Variants in ABCB4 observed in about 807,000 individuals in gnomAD.
ABCB4 encodes the protein ATP binding cassette subfamily B member 4, also known as phosphatidylcholine translocator ABCB4.
A neutral mutation model predicts 145.7 loss-of-function variants in ABCB4; 76 were observed. The ratio of observed to expected loss-of-function variants is 0.52; its 90% CI spans 0.43 to 0.63. ABCB4 has a LOEUF of 0.63. ABCB4 is among the 30% of genes least tolerant of loss of function. The pLI is 0.00. For missense variants in ABCB4, 1,234 were observed against 1,553.1 expected, an observed-to-expected ratio of 0.79 and a Z score of 3.45; for synonymous variants, 517 against 566.8, an observed-to-expected ratio of 0.91 and a Z score of 1.25.
At chr7:87,443,623 A>C (rs1217730393) in intron 11 of ABCB4, 40 bp downstream of exon 11, 1 of 1,576,576 alleles carries the variant, frequency 6.3e-7, no homozygotes, top group Non-Finnish European at 8.7e-7. Context: ...TTCAACAATC[A>C]ACCTCAGTTA....
At chr7:87,443,532 A>C in intron 11 of ABCB4, 88 bp from the exon 12 acceptor site, 3 of 1,532,034 alleles carry the variant, frequency 2.0e-6, no homozygotes, top group Non-Finnish European at 2.7e-6. Context: ...TTGAAAAAAA[A>C]GTATCAAATA....
intron 14 of ABCB4, among the ~76,000 whole-genome samples, chr7:87,433,240 G>A (rs1810367006): frequency 6.6e-6 from 1 of 152,096 alleles, no homozygotes; most frequent in Non-Finnish European, 1.5e-5. Context: ...TTGTTTTTAA[G>A]TAAATATAAA....
chr7:87,472,455 C>T (rs1284450157), intron 3 of ABCB4, among the ~76,000 whole-genome samples, 166 bp downstream of exon 3: 1 of 152,106 alleles, frequency 6.6e-6, no homozygotes, highest in Non-Finnish European at 1.5e-5. Context: ...AACTCTTGTG[C>T]TCAAGCAACC....
At chr7:87,373,319 A>T in the ABCB4 span, among the ~76,000 whole-genome samples, 1 of 152,094 alleles carries the variant, frequency 6.6e-6, no homozygotes, top group African/African-American at 2.4e-5. Flanking sequence ...ATCGTTCTTT[A>T]GATATAAGTC....
At chr7:87,414,210 G>T (rs1808817479) in intron 21 of ABCB4, among the ~76,000 whole-genome samples, 1 of 152,196 alleles carries the variant, frequency 6.6e-6, no homozygotes, top group Non-Finnish European at 1.5e-5. Context: ...TCAACAACAT[G>T]AGCATGCTTT....
chr7:87,395,551 G>T, the ABCB4 span, among the ~76,000 whole-genome samples: 1 of 152,306 alleles, frequency 6.6e-6, no homozygotes, highest in African/African-American at 2.4e-5. Context: ...TTATGATCAG[G>T]ACTGCCTTTG....
chr7:87,446,207 C>T (rs1257119176), intron 9 of ABCB4, among the ~76,000 whole-genome samples: 1 of 152,100 alleles, frequency 6.6e-6, no homozygotes, highest in African/African-American at 2.4e-5. Context: ...ATAATGACCC[C>T]AAGTCATCAT....
At chr7:87,472,732 T>C (rs1171375105) in intron 2 of ABCB4, 57 bp from the exon 3 acceptor site, 7 of 1,223,262 alleles carry the variant, frequency 5.7e-6, no homozygotes, top group Middle Eastern at 2.0e-4. Context: ...TTACAATCAA[T>C]TGAACATAAA....
the ABCB4 span, among the ~76,000 whole-genome samples, chr7:87,383,308 A>G: frequency 1.3e-5 from 2 of 151,944 alleles, no homozygotes; most frequent in African/African-American, 4.8e-5. Context: ...TTTACTGTCT[A>G]CTTCCACGAG....
intron 26 of ABCB4, among the ~76,000 whole-genome samples, chr7:87,404,770 T>A (rs961120394): frequency 2.6e-5 from 4 of 152,162 alleles, no homozygotes; most frequent in African/African-American, 9.7e-5. Flanking sequence ...AAAAACTATG[T>A]TCAACATCAT....
intron 2 of ABCB4, among the ~76,000 whole-genome samples, chr7:87,474,406 G>T (rs988935803): frequency 7.9e-5 from 12 of 152,166 alleles, no homozygotes; most frequent in African/African-American, 2.7e-4. Context: ...ATGGTGCTTA[G>T]AAGAAATACA....
In ABCB4 at chr7:87,401,853, T is replaced by G; in HGVS notation, c.*243A>C. 1 of 653,390 alleles carries G rather than the reference T, an allele frequency of 1.5e-6. No individual in the cohort carries two copies. Among genetic ancestry groups the G allele is most frequent in the Non-Finnish European group, 2.8e-6 (1 of 360,228 alleles). 40.5% of individuals were successfully genotyped at this position (653,390 alleles called of 1,614,324 possible). A position where few individuals can be genotyped will look rare whatever the true frequency, so the allele number is the denominator to read the frequency against. ...CTTACCTTGAATTTTGTTCTTTTTC[T>G]GGATGTTTCTAATAACTTAGGGAGA... On this transcript the variant is annotated 3_prime_UTR_variant, in exon 28 of 28. Coordinates refer to ENST00000649586, the MANE Select transcript of ABCB4 (RefSeq NM_000443.4).
chr7:87,376,080 T>C, the ABCB4 span: 1 of 802,808 alleles, frequency 1.2e-6, no homozygotes, highest in East Asian at 2.8e-5. Context: ...AGTTATACAA[T>C]ATACTTGTGC....
intron 16 of ABCB4, among the ~76,000 whole-genome samples, chr7:87,425,896 A>G (rs1809768996): frequency 6.6e-6 from 1 of 152,112 alleles, no homozygotes; most frequent in Admixed American, 6.5e-5. Context: ...ATTAAAAATA[A>G]ATAAATAAAT....
At chr7:87,451,139 A>ATTT (rs72422284) in intron 7 of ABCB4, among the ~76,000 whole-genome samples, 6,265 of 145,550 alleles carry the variant, frequency 0.043, 173 homozygotes, top group South Asian at 0.11. Flanking sequence ...AGAACTGTGA[A>ATTT]TTTTTTTTTT....
rs1562948881 is a variant in ABCB4, at chr7:87,406,340, A to G, written c.3434T>C (p.Val1145Ala). 1.9e-6 allele frequency: 3 copies of G among 1,614,152 alleles called. No homozygotes were observed. The highest frequency in any genetic ancestry group is 1.7e-4 in the Middle Eastern group (1 of 6,060). ...NSRVVSQDEIVSAAKAANIHP... is the reference protein window; with the variant it reads ...NSRVVSQDEIASAAKAANIHP... ...TATGTTGGCAGCTTTGGCTGCACTC[A>G]CAATTTCATCCTGTGATACAACCCG... The change falls in exon 26 of 28, where the codon GTG becomes GCG. Residue 1145 changes from valine to alanine, a missense_variant. Coordinates refer to ENST00000649586, the MANE Select transcript of ABCB4 (RefSeq NM_000443.4).
At chr7:87,473,915 T>C (rs1356602798) in intron 2 of ABCB4, among the ~76,000 whole-genome samples, 1 of 152,200 alleles carries the variant, frequency 6.6e-6, no homozygotes, top group Non-Finnish European at 1.5e-5. Flanking sequence ...CCATGGGCAA[T>C]AGCAACATAA....
chr7:87,366,229 C>G, the ABCB4 span, among the ~76,000 whole-genome samples: 1 of 151,038 alleles, frequency 6.6e-6, no homozygotes, highest in Non-Finnish European at 1.5e-5. Context: ...CCCCTGTACC[C>G]TCGCAAGGGG....
intron 16 of ABCB4, 146 bp from the exon 17 acceptor site, chr7:87,424,198 G>T: frequency 1.1e-6 from 1 of 936,770 alleles, no homozygotes; most frequent in Non-Finnish European, 1.7e-6. Flanking sequence ...GAGTAGGACA[G>T]TATATTATAA....
Sources: gnomAD v4.1 joint callset for allele counts (sites outside exome capture counted in the v4.1 genomes callset) on GRCh38, gnomAD v4.1.1 for gene constraint, MANE v1.5 for transcripts, NCBI Gene and HGNC (gene_info 2026-07-23, HGNC 2026-07-21) for gene names.